SRGAP3: variants seen among roughly 807,000 people sequenced by gnomAD.
SRGAP3 encodes SLIT-ROBO Rho GTPase activating protein 3.
Under a neutral mutation model 121.1 loss-of-function variants are expected in SRGAP3, and 39 were observed. The ratio of observed to expected loss-of-function variants is 0.32; its 90% CI spans 0.25 to 0.42. SRGAP3 has a LOEUF of 0.42. Among genes scored for constraint, SRGAP3 ranks in the 10% least tolerant of loss-of-function variants. The probability of loss-of-function intolerance (pLI) is 1.00; values close to 1 mark genes in which losing one functional copy is unlikely to be tolerated. For synonymous variants in SRGAP3, 601 were observed against 570.0 expected, an observed-to-expected ratio of 1.05 and a Z score of -0.77; for missense variants, 1,213 against 1,470.6, an observed-to-expected ratio of 0.82 and a Z score of 2.86.
At chr3:9,058,555 A>G in intron 6 of SRGAP3, 83 bp from the exon 7 acceptor site, 2 of 1,377,226 alleles carry the variant, frequency 1.5e-6, no homozygotes, top group South Asian at 1.2e-5. Flanking sequence ...GTGACTTACA[A>G]TTACCTCCCT....
At chr3:9,173,547 G>C (rs1399892353) in intron 1 of SRGAP3, among the ~76,000 whole-genome samples, 1 of 152,172 alleles carries the variant, frequency 6.6e-6, no homozygotes, top group Non-Finnish European at 1.5e-5. Flanking sequence ...AGATGATGGG[G>C]AGAGGTGGGC....
At chr3:9,080,252 T>C (rs1036607891) in intron 3 of SRGAP3, among the ~76,000 whole-genome samples, 165 bp from the exon 4 acceptor site, 2 of 152,184 alleles carry the variant, frequency 1.3e-5, no homozygotes, top group Admixed American at 6.5e-5. Flanking sequence ...TCCTCAACTA[T>C]GTCCATGAAA....
intron 4 of SRGAP3, among the ~76,000 whole-genome samples, chr3:9,070,593 G>A (rs1164797846): frequency 6.6e-6 from 1 of 152,172 alleles, no homozygotes; most frequent in Non-Finnish European, 1.5e-5. Flanking sequence ...GTAGATGGAT[G>A]GATGGACAGA....
intron 1 of SRGAP3, among the ~76,000 whole-genome samples, chr3:9,172,421 T>A (rs1004989786): frequency 1.3e-5 from 2 of 152,166 alleles, no homozygotes; most frequent in African/African-American, 4.8e-5. Context: ...TCATTTTAAC[T>A]TGATTACCTC....
At position 9,032,727 on chromosome 3, in the gene SRGAP3, G is replaced by A; in HGVS notation, c.1462C>T (p.Gln488Ter). 1 of 1,613,196 alleles carries A rather than the reference G, an allele frequency of 6.2e-7. No homozygotes were observed. Among genetic ancestry groups the A allele is most frequent in the Non-Finnish European group, 8.5e-7 (1 of 1,179,800 alleles). ...TRPPCLPPKP[Q>*]KMRRPRPLSV... ...AGAGGCCTAGGTCTCCTCATTTTCTGTGGTTTAGGGGGAAGACAGGGGGGC... is the reference window on the plus strand; with the variant it reads ...AGAGGCCTAGGTCTCCTCATTTTCTATGGTTTAGGGGGAAGACAGGGGGGC... The change falls in exon 12 of 22, where the codon CAG becomes TAG. Residue 488 changes from glutamine (Q) to a stop codon, truncating the protein, a stop_gained. Transcript: ENST00000383836. LOFTEE classifies it high-confidence loss of function.
intron 14 of SRGAP3, chr3:9,016,046 GATT>G (rs1574912850): frequency 7.6e-6 from 3 of 395,462 alleles, no homozygotes; most frequent in East Asian, 5.4e-5. Context: ...CACTATTTGA[GATT>G]ATTTTGTAGA....
At chr3:9,299,035 G>A (rs369230433) in intron 3 of SRGAP3, among the ~76,000 whole-genome samples, 3 of 128,374 alleles carry the variant, frequency 2.3e-5, no homozygotes, top group Non-Finnish European at 4.8e-5. Context: ...CTGGGTGACA[G>A]AGTGAGACTC....
At chr3:9,038,122 T>G (rs760309896) in intron 10 of SRGAP3, 32 bp from the exon 11 acceptor site, 1 of 1,613,968 alleles carries the variant, frequency 6.2e-7, no homozygotes, top group Non-Finnish European at 8.5e-7. Context: ...AATGTTTAAT[T>G]GCCTTTTCTT....
chr3:9,066,062 G>C lies in SRGAP3; in HGVS notation c.487-1481C>G, dbSNP rs147054577. ...GATCCTCCTGCCTCAGCCTCCCAAA[G>C]TGCTGGTATTATAGGTGTGAACCAC... On this transcript the variant is annotated intron_variant, in intron 4 of 21. Coordinates refer to ENST00000383836, the MANE Select transcript of SRGAP3 (RefSeq NM_014850.4). Among the ~76,000 whole-genome samples the C allele has an allele frequency of 7.2e-3, 1,088 of 151,912 alleles. 14 individuals carry two copies. Among genetic ancestry groups the C allele is most frequent in the Middle Eastern group, 0.027 (8 of 294 alleles).
At chr3:9,172,289 G>T (rs1450948907) in intron 1 of SRGAP3, among the ~76,000 whole-genome samples, 8 of 151,710 alleles carry the variant, frequency 5.3e-5, no homozygotes, top group Non-Finnish European at 1.0e-4. Flanking sequence ...TTTTTGTAGA[G>T]ACAGGGTCTT....
chr3:9,330,748 G>A (rs1955593244), intron 1 of SRGAP3, among the ~76,000 whole-genome samples: 2 of 152,162 alleles, frequency 1.3e-5, no homozygotes, highest in South Asian at 4.2e-4. Flanking sequence ...GACAAAAAAG[G>A]TAAAGTGACG....
chr3:9,014,487 TCTCATCTCTGACCC>T (rs1943534898), intron 15 of SRGAP3, among the ~76,000 whole-genome samples: 1 of 152,190 alleles, frequency 6.6e-6, no homozygotes. Context: ...ATGCTTGGGA[TCTCATCTCTGACCC>T]CTGTTTCCAG....
chr3:8,992,359 C>G (rs938873179), intron 20 of SRGAP3, among the ~76,000 whole-genome samples: 1 of 152,184 alleles, frequency 6.6e-6, no homozygotes, highest in Non-Finnish European at 1.5e-5. Flanking sequence ...ACATGCACAG[C>G]TCCTTGCCTG....
chr3:9,077,730 G>C (rs1262877639), intron 4 of SRGAP3, among the ~76,000 whole-genome samples: 1 of 152,248 alleles, frequency 6.6e-6, no homozygotes, highest in Non-Finnish European at 1.5e-5. Context: ...TGGAGCACCT[G>C]CTGGATTCAG....
intron 4 of SRGAP3, 50 bp downstream of exon 4, chr3:9,079,975 G>A: frequency 1.9e-6 from 3 of 1,604,528 alleles, no homozygotes; most frequent in Non-Finnish European, 2.6e-6. Context: ...CTCTGGTGAT[G>A]AAGACAGAGA....
chr3:9,058,721 T>C, intron 6 of SRGAP3: 1 of 460,292 alleles, frequency 2.2e-6, no homozygotes, highest in Non-Finnish European at 3.9e-6. Context: ...TCTCTTTTTT[T>C]TTTTTTTTTT....
At chr3:9,098,954 G>A (rs957386056) in intron 3 of SRGAP3, among the ~76,000 whole-genome samples, 1 of 152,140 alleles carries the variant, frequency 6.6e-6, no homozygotes, top group Admixed American at 6.5e-5. Context: ...TCCCTTGGCA[G>A]GGTGCCCACT....
chr3:9,342,364 G>A (rs1034575335), intron 1 of SRGAP3, among the ~76,000 whole-genome samples: 16 of 150,336 alleles, frequency 1.1e-4, no homozygotes, highest in Admixed American at 5.3e-4. Context: ...AAAAAAAAAA[G>A]GAAAGCAAAA....
Position 8,985,407 on chromosome 3 carries a change from G to C in SRGAP3, c.*112C>G. The C allele has an allele frequency of 2.0e-6, 3 of 1,531,496 alleles. No homozygotes were observed. Among genetic ancestry groups the C allele is most frequent in the Non-Finnish European group, 1.7e-6 (2 of 1,146,338 alleles). The allele number at this position is 1,531,496 out of a possible 1,614,324, so 94.9% of individuals were successfully genotyped here. On this transcript the variant is annotated 3_prime_UTR_variant, in exon 22 of 22. Transcript: ENST00000383836. This position sits in a 1 kb window ranked among gnomAD's most constrained non-coding sequence, Gnocchi z 5.1. The stretch of plus-strand genomic sequence containing the variant: ...TCTGCACAGACACACCCTCCCAGAC[G>C]GACCTCTGCCCTCCAAGGCCAGGGT...
Sources: allele counts gnomAD v4.1 joint callset (sites outside exome capture counted in the v4.1 genomes callset), GRCh38; gene constraint gnomAD v4.1.1; non-coding constraint Gnocchi (gnomAD v3.1); transcripts MANE v1.5; gene names NCBI Gene and HGNC (gene_info 2026-07-23, HGNC 2026-07-21).